The following ZNF480 variants were observed in gnomAD, a reference collection of about 807,000 sequenced individuals.
The protein encoded by ZNF480 is zinc finger protein 480.
A neutral mutation model predicts 14.4 loss-of-function variants in ZNF480; 15 were observed. That is an observed-to-expected ratio of 1.04 (90% CI 0.70 to 1.60). The LOEUF (loss-of-function observed/expected upper bound fraction) is 1.60, where lower values mean the gene tolerates loss of function less well. Among genes scored for constraint, ZNF480 ranks in the 40% most tolerant of loss-of-function variants. The probability of loss-of-function intolerance (pLI) is 0.00; values close to 1 mark genes in which losing one functional copy is unlikely to be tolerated. For synonymous variants in ZNF480, 218 were observed against 215.5 expected, an observed-to-expected ratio of 1.01 and a Z score of -0.10; for missense variants, 593 against 629.7, an observed-to-expected ratio of 0.94 and a Z score of 0.62.
chr19:52,322,028 A>C lies in ZNF480; in HGVS notation c.778A>C (p.Lys260Gln). 6.2e-7 allele frequency: 1 copy of C among 1,614,104 alleles called. No individual in the cohort carries two copies. Among genetic ancestry groups the C allele is most frequent in the Non-Finnish European group, 8.5e-7 (1 of 1,179,998 alleles). The change falls in exon 5 of 5, where the codon AAA becomes CAA. Residue 260 changes from lysine to glutamine, a missense_variant. By Grantham distance (53) the Lys-to-Gln change is moderately conservative. Coordinates refer to ENST00000595962, the MANE Select transcript of ZNF480 (RefSeq NM_144684.4). Reference protein sequence around the residue: ...CRIHTGEKPYKCNVCGKVFSY... With the variant: ...CRIHTGEKPYQCNVCGKVFSY... ...AATTCATACTGGAGAGAAACCTTAC[A>C]AATGTAATGTCTGTGGCAAGGTTTT...
chr19:52,299,614 T>C (rs1046570276), intron 1 of ZNF480, among the ~76,000 whole-genome samples: 1 of 152,210 alleles, frequency 6.6e-6, no homozygotes. Context: ...TTGCAAAAGA[T>C]ACAGATGACT....
intron 2 of ZNF480, chr19:52,313,709 G>A (rs555727068): frequency 6.7e-6 from 2 of 299,314 alleles, no homozygotes; most frequent in African/African-American, 4.5e-5. Flanking sequence ...ACAATTCACA[G>A]GCCAGGGTGG....
chr19:52,297,324 G>A, intron 1 of ZNF480, 101 bp downstream of exon 1: 3 of 405,298 alleles, frequency 7.4e-6, no homozygotes, highest in South Asian at 1.7e-5. Context: ...TCCTCGCACC[G>A]CTCCCTCTAC....
chr19:52,298,310 CAGAG>C (rs1320987071), intron 1 of ZNF480, among the ~76,000 whole-genome samples: 23 of 151,842 alleles, frequency 1.5e-4, no homozygotes, highest in Admixed American at 1.2e-3. Flanking sequence ...AGGGATTTAA[CAGAG>C]AGAGCAGAGG....
In ZNF480 at chr19:52,322,957, A is replaced by G. The variant is rs1983919280; in HGVS notation, c.*99A>G. 8.8e-7 allele frequency: 1 copy of G among 1,134,950 alleles called. No individual in the cohort carries two copies. Among genetic ancestry groups the G allele is most frequent in the Non-Finnish European group, 1.2e-6 (1 of 832,994 alleles). 70.3% of individuals were successfully genotyped at this position (1,134,950 alleles called of 1,614,324 possible). On this transcript the variant is annotated 3_prime_UTR_variant, in exon 5 of 5. Coordinates refer to ENST00000595962, the MANE Select transcript of ZNF480 (RefSeq NM_144684.4). ...ACTGCAAAGAAATTTTGCAAATGTA[A>G]AGAATATGACAAGGTCTTCAAACAC... is the stretch of plus-strand genomic sequence containing the variant.
intron 2 of ZNF480, among the ~76,000 whole-genome samples, chr19:52,311,325 T>A (rs922820511): frequency 2.0e-5 from 3 of 151,866 alleles, no homozygotes; most frequent in Non-Finnish European, 4.4e-5. Flanking sequence ...CTCAATTTTT[T>A]AAAATATTAT....
chr19:52,320,555 G>A (rs1441545661), intron 4 of ZNF480, among the ~76,000 whole-genome samples: 7 of 152,136 alleles, frequency 4.6e-5, no homozygotes, highest in East Asian at 1.9e-4. Flanking sequence ...CAGCACTTTC[G>A]GAGGCTGAGG....
At chr19:52,318,230 C>T (rs1394126334) in intron 4 of ZNF480, among the ~76,000 whole-genome samples, 2 of 152,058 alleles carry the variant, frequency 1.3e-5, no homozygotes, top group Non-Finnish European at 2.9e-5. Context: ...CCTCAGCCTC[C>T]CAAGTAGTTG....
chr19:52,306,017 G>A (rs774091840), intron 2 of ZNF480, among the ~76,000 whole-genome samples: 4 of 152,108 alleles, frequency 2.6e-5, no homozygotes, highest in Non-Finnish European at 5.9e-5. Flanking sequence ...GTTAAAACAA[G>A]CTCCAGGAAG....
chr19:52,312,046 T>C (rs752675109), intron 2 of ZNF480, among the ~76,000 whole-genome samples: 1 of 152,114 alleles, frequency 6.6e-6, no homozygotes. Context: ...TGAAATTACA[T>C]CTGAAATATT....
chr19:52,310,790 GGA>G (rs1254768026), intron 2 of ZNF480, among the ~76,000 whole-genome samples: 1 of 151,740 alleles, frequency 6.6e-6, no homozygotes, highest in Non-Finnish European at 1.5e-5. Flanking sequence ...CACGAGGTCA[GGA>G]GATCGAGACC....
intron 2 of ZNF480, chr19:52,307,551 G>A (rs1175723152): frequency 2.6e-5 from 4 of 152,146 alleles, no homozygotes; most frequent in Non-Finnish European, 2.9e-5. Context: ...GGCGCTAGAG[G>A]AATTAAATAC....
In ZNF480 at chr19:52,322,235, T is replaced by C. The variant is rs372952048; in HGVS notation, c.985T>C (p.Ser329Pro). The C allele has an allele frequency of 1.9e-6, 3 of 1,613,800 alleles. No individual in the cohort carries two copies. The highest frequency in any genetic ancestry group is 2.5e-6 in the Non-Finnish European group (3 of 1,180,006). ...ECGKGFSHKS[S>P]LANHWRIYTG... ...TGGTAAAGGCTTCAGTCATAAGTCATCTCTAGCAAATCATTGGAGAATTTA... is the reference window on the plus strand; with the variant it reads ...TGGTAAAGGCTTCAGTCATAAGTCACCTCTAGCAAATCATTGGAGAATTTA... Residue 329 changes from serine (S) to proline (P), a missense_variant, in exon 5 of 5, where the codon TCT becomes CCT. Coordinates refer to ENST00000595962, the MANE Select transcript of ZNF480 (RefSeq NM_144684.4).
intron 2 of ZNF480, 123 bp downstream of exon 2, chr19:52,300,607 T>A: frequency 1.3e-6 from 2 of 1,537,310 alleles, no homozygotes; most frequent in Non-Finnish European, 1.8e-6. Flanking sequence ...CGCTTACCTA[T>A]GCCTTCCCTC....
At chr19:52,311,387 A>G (rs772515231) in intron 2 of ZNF480, among the ~76,000 whole-genome samples, 2 of 152,040 alleles carry the variant, frequency 1.3e-5, no homozygotes, top group Non-Finnish European at 2.9e-5. Flanking sequence ...TATGTTGCCC[A>G]GGCTGTTCTC....
chr19:52,322,149 C>T lies in ZNF480; in HGVS notation c.899C>T (p.Ser300Phe). Residue 300 changes from serine (S) to phenylalanine (F), a missense_variant, in exon 5 of 5, where the codon TCT becomes TTT. Physicochemically the swap from Ser to Phe is radical, Grantham distance 155. Coordinates refer to ENST00000595962, the MANE Select transcript of ZNF480 (RefSeq NM_144684.4). Reference sequence around the variant, plus strand: ...TGTGGTAAAGTCTTCAGTAATAATTCTTACCTTGCACGACATCAAAGAATT... The same window carrying T: ...TGTGGTAAAGTCTTCAGTAATAATTTTTACCTTGCACGACATCAAAGAATT... ...NECGKVFSNN[S>F]YLARHQRIHA... 1 of 1,613,942 alleles carries T rather than the reference C, an allele frequency of 6.2e-7. No individual in the cohort carries two copies. The highest frequency in any genetic ancestry group is 8.5e-7 in the Non-Finnish European group (1 of 1,179,984).
At chr19:52,298,207 G>A (rs77055592) in intron 1 of ZNF480, among the ~76,000 whole-genome samples, 2,766 of 152,168 alleles carry the variant, frequency 0.018, 36 homozygotes, top group East Asian at 0.043. Flanking sequence ...GAGTCAGCTG[G>A]TGACAACGAG....
rs1984022665 is a variant in ZNF480, at chr19:52,324,946, T to C, written c.*2088T>C. The stretch of plus-strand genomic sequence containing the variant: ...ATTGACAAGTGGGACCTAATTAAAC[T>C]AAATAACTTCTGCACAGCAAAAGAA... On this transcript the variant is annotated 3_prime_UTR_variant, in exon 5 of 5. Coordinates refer to ENST00000595962, the MANE Select transcript of ZNF480 (RefSeq NM_144684.4). 6.6e-6 allele frequency: 1 copy of C among 152,198 alleles called. No homozygotes were observed. The highest frequency in any genetic ancestry group is 1.5e-5 in the Non-Finnish European group (1 of 68,028). The allele number at this position is 152,198 out of a possible 1,614,324, so 9.4% of individuals were successfully genotyped here.
At chr19:52,309,342 C>A (rs2122532512) in intron 2 of ZNF480, among the ~76,000 whole-genome samples, 1 of 152,202 alleles carries the variant, frequency 6.6e-6, no homozygotes, top group Admixed American at 6.5e-5. Context: ...AGGGGGTGAC[C>A]AGGTTCTGCT....
Sources: allele counts gnomAD v4.1 joint callset (sites outside exome capture counted in the v4.1 genomes callset), GRCh38; gene constraint gnomAD v4.1.1; transcripts MANE v1.5; gene names NCBI Gene and HGNC (gene_info 2026-07-23, HGNC 2026-07-21).